The following UGT1A4 variants were observed in gnomAD, a reference collection of about 807,000 sequenced individuals.
The protein encoded by UGT1A4 is UDP glucuronosyltransferase family 1 member A4.
A neutral mutation model predicts 41.1 loss-of-function variants in UGT1A4; 32 were observed. That is an observed-to-expected ratio of 0.78 (90% CI 0.59 to 1.05). UGT1A4 has a LOEUF of 1.05. Ranked by LOEUF, UGT1A4 falls within the 50% of genes least tolerant of loss-of-function variation. The pLI is 0.00. For synonymous variants in UGT1A4, 283 were observed against 265.1 expected, an observed-to-expected ratio of 1.07 and a Z score of -0.66; for missense variants, 748 against 677.4, an observed-to-expected ratio of 1.10 and a Z score of -1.16.
At chr2:233,738,225 T>C (rs1690730877) in intron 1 of UGT1A4, among the ~76,000 whole-genome samples, 1 of 152,022 alleles carries the variant, frequency 6.6e-6, no homozygotes, top group South Asian at 2.1e-4. Context: ...ATAAGTTTCC[T>C]GAGGCCCCTC....
chr2:233,766,749 C>T (rs756688417), intron 1 of UGT1A4, among the ~76,000 whole-genome samples: 1 of 152,132 alleles, frequency 6.6e-6, no homozygotes, highest in Non-Finnish European at 1.5e-5. Context: ...CAGGTGTGTG[C>T]ATGTGTGTGC....
At chr2:233,747,810 A>G (rs1693783178) in intron 1 of UGT1A4, 1 of 1,613,368 alleles carries the variant, frequency 6.2e-7, no homozygotes, top group South Asian at 1.1e-5. Flanking sequence ...GTTACTAACG[A>G]CCAATTCAGA....
intron 1 of UGT1A4, chr2:233,761,038 G>A: frequency 6.2e-7 from 1 of 1,614,174 alleles, no homozygotes; most frequent in Non-Finnish European, 8.5e-7. Flanking sequence ...ATTGAGCTCT[G>A]CATCTGTCTG....
At chr2:233,760,002 C>T (rs1697301368) in intron 1 of UGT1A4, among the ~76,000 whole-genome samples, 1 of 152,194 alleles carries the variant, frequency 6.6e-6, no homozygotes, top group Admixed American at 6.5e-5. Flanking sequence ...TGTGGAAATA[C>T]TAATTTAATG....
intron 1 of UGT1A4, chr2:233,753,301 C>T (rs1695176725): frequency 6.6e-6 from 1 of 152,212 alleles, no homozygotes; most frequent in East Asian, 1.9e-4. Flanking sequence ...TGTGAGACCC[C>T]GTGTGCCCCT....
chr2:233,728,632 C>G (rs1273558536), intron 1 of UGT1A4, among the ~76,000 whole-genome samples: 1 of 152,160 alleles, frequency 6.6e-6, no homozygotes, highest in Non-Finnish European at 1.5e-5. Context: ...GCTGGCTTAG[C>G]AATGTTGTAT....
chr2:233,754,442 A>C (rs1695486969), intron 1 of UGT1A4: 2 of 350,172 alleles, frequency 5.7e-6, no homozygotes, highest in African/African-American at 4.3e-5. Flanking sequence ...AGTGTTTATA[A>C]ATTCTTGGGT....
At chr2:233,747,945 G>C in intron 1 of UGT1A4, 1 of 1,613,482 alleles carries the variant, frequency 6.2e-7, no homozygotes, top group African/African-American at 1.3e-5. Flanking sequence ...GGAGGTGTCA[G>C]TGGTGGATCT....
rs1004676304 is a variant in UGT1A4, at chr2:233,769,752, G to A, written c.1307+1313G>A. On this transcript the variant is annotated intron_variant, in intron 4 of 4. Transcript: ENST00000373409. This position sits in a 1 kb window ranked among gnomAD's most constrained non-coding sequence, Gnocchi z 4.4. ...CGCCTGTAGTCCCAGCCACTCTGGA[G>A]GCTAAGGCGGGAGGATTGCTTGAGC... is the stretch of plus-strand genomic sequence containing the variant. The A allele has an allele frequency of 7.0e-6, 10 of 1,432,670 alleles. No homozygotes were observed. In the African/African-American group the frequency reaches 1.3e-4, roughly 18 times the overall value. 88.7% of individuals were successfully genotyped at this position (1,432,670 alleles called of 1,614,324 possible). A position where few individuals can be genotyped will look rare whatever the true frequency, so the allele number is the denominator to read the frequency against.
rs144483920 is a variant in UGT1A4 at position 233,744,779 on chromosome 2, C to T, written c.868-22255C>T. On this transcript the variant is annotated intron_variant, in intron 1 of 4. Transcript: ENST00000373409. ...ATAGTTTTAACTTTGCAAAATTCTCCTGAAAAATTCTTGGGGATCCCTAGG... is the reference window on the plus strand; with the variant it reads ...ATAGTTTTAACTTTGCAAAATTCTCTTGAAAAATTCTTGGGGATCCCTAGG... Among the ~76,000 whole-genome samples, 38 of 151,988 alleles carry T rather than the reference C, an allele frequency of 2.5e-4. 2 individuals are homozygous for T. In the East Asian group the frequency reaches 6.6e-3, roughly 26 times the overall value.
At chr2:233,757,535 A>AATATATATACATATATATATATAT (rs376887521) in intron 1 of UGT1A4, among the ~76,000 whole-genome samples, 7 of 88,250 alleles carry the variant, frequency 7.9e-5, no homozygotes, top group Non-Finnish European at 1.1e-4. Flanking sequence ...GCCTGTAAGG[A>AATATATATACATATATATATATAT]ATATATATAT....
chr2:233,769,848 A>C lies in UGT1A4; in HGVS notation c.1307+1409A>C. ...CCAGCAACCTGGGCAACAGAGTGAG[A>C]CCCTGTCTCAAAAAAAAAAAAAAAA... is the stretch of plus-strand genomic sequence containing the variant. On this transcript the variant is annotated intron_variant, in intron 4 of 4. Transcript: ENST00000373409. The surrounding 1 kb of genome is among the most constrained non-coding windows in gnomAD (Gnocchi z 4.4). The C allele has an allele frequency of 1.9e-5, 9 of 472,234 alleles. No homozygotes were observed. Among genetic ancestry groups the C allele is most frequent in the South Asian group, 5.6e-5 (1 of 17,844 alleles). The allele number at this position is 472,234 out of a possible 1,614,324, so 29.3% of individuals were successfully genotyped here.
rs755218546 is a variant in UGT1A4 at position 233,767,936 on chromosome 2, G to A, written c.1087G>A (p.Gly363Ser). The A allele has an allele frequency of 2.4e-5, 38 of 1,614,052 alleles. No homozygotes were observed. In the South Asian group the frequency reaches 4.2e-4, roughly 18 times the overall value. Residue 363 changes from glycine (G) to serine (S), a missense_variant and splice_region_variant, in exon 3 of 5, where the codon GGT becomes AGT. Coordinates refer to ENST00000373409, the MANE Select transcript of UGT1A4 (RefSeq NM_007120.3). ...GTGGCTACCCCAAAACGATCTGCTT[G>A]GTATGTTGGGCGGATTGGATGTATA... ...VKWLPQNDLL[G>S]HPMTRAFITH...
chr2:233,745,758 T>G (rs1376334947), intron 1 of UGT1A4, among the ~76,000 whole-genome samples: 23 of 128,998 alleles, frequency 1.8e-4, no homozygotes, highest in East Asian at 4.6e-4. Context: ...GCAGAAGGGG[T>G]GGAGAGGAGG....
intron 1 of UGT1A4, among the ~76,000 whole-genome samples, chr2:233,749,386 A>T (rs1303750912): frequency 1.3e-5 from 2 of 151,906 alleles, no homozygotes; most frequent in African/African-American, 2.4e-5. Context: ...CAGTTTTTCA[A>T]TGTGAACATA....
intron 1 of UGT1A4, chr2:233,760,234 A>C: frequency 1.8e-6 from 2 of 1,136,914 alleles, no homozygotes; most frequent in South Asian, 2.9e-5. Flanking sequence ...GGTTTTTGCC[A>C]TATATATATA....
At chr2:233,725,856 C>A (rs918476414) in intron 1 of UGT1A4, among the ~76,000 whole-genome samples, 16 of 151,998 alleles carry the variant, frequency 1.1e-4, no homozygotes, top group Non-Finnish European at 2.4e-4. Flanking sequence ...TTTCAATTCC[C>A]CATCTCTTTT....
chr2:233,768,990 A>C (rs1198274565), intron 4 of UGT1A4, among the ~76,000 whole-genome samples: 1 of 152,146 alleles, frequency 6.6e-6, no homozygotes, highest in Admixed American at 6.5e-5. Context: ...TATTTCCCCC[A>C]TTAGATTTAA....
At chr2:233,747,680 C>T (rs919271713) in intron 1 of UGT1A4, 69 of 1,607,988 alleles carry the variant, frequency 4.3e-5, no homozygotes, top group Non-Finnish European at 5.7e-5. Context: ...CAATTTACCT[C>T]TGTGGGGCAG....
Sources: allele counts gnomAD v4.1 joint callset (sites outside exome capture counted in the v4.1 genomes callset), GRCh38; gene constraint gnomAD v4.1.1; non-coding constraint Gnocchi (gnomAD v3.1); transcripts MANE v1.5; gene names NCBI Gene and HGNC (gene_info 2026-07-23, HGNC 2026-07-21).